The following KCNIP4 variants were observed in gnomAD, a reference collection of about 807,000 sequenced individuals.
The protein encoded by KCNIP4 is potassium voltage-gated channel interacting protein 4, also known as Kv channel-interacting protein 4.
KCNIP4 carries 12 observed loss-of-function variants against 34.0 expected under a neutral mutation model. The observed-to-expected ratio is 0.35, with a 90% confidence interval of 0.23 to 0.57. The LOEUF is 0.57. Ranked by LOEUF, KCNIP4 falls within the 20% of genes least tolerant of loss-of-function variation. The pLI, the probability that KCNIP4 is intolerant of heterozygous loss-of-function variation, is 0.83. For missense variants in KCNIP4, 238 were observed against 311.7 expected, an observed-to-expected ratio of 0.76 and a Z score of 1.78; for synonymous variants, 124 against 102.2, an observed-to-expected ratio of 1.21 and a Z score of -1.29.
At chr4:20,958,141 A>C (rs914910712) in intron 1 of KCNIP4, among the ~76,000 whole-genome samples, 3 of 152,228 alleles carry the variant, frequency 2.0e-5, no homozygotes, top group African/African-American at 7.2e-5. Flanking sequence ...CATTCATAGG[A>C]AAGTTTCTTA....
chr4:20,843,953 A>T (rs1720064502), intron 3 of KCNIP4, among the ~76,000 whole-genome samples: 1 of 152,230 alleles, frequency 6.6e-6, no homozygotes, highest in Non-Finnish European at 1.5e-5. Flanking sequence ...TGAATTTTTA[A>T]TTACATTATG....
chr4:21,478,390 CTATATCA>C (rs1281203072), intron 1 of KCNIP4, among the ~76,000 whole-genome samples: 1 of 152,056 alleles, frequency 6.6e-6, no homozygotes, highest in Non-Finnish European at 1.5e-5. Context: ...ACTACACATT[CTATATCA>C]TGCAAAACCC....
intron 2 of KCNIP4, among the ~76,000 whole-genome samples, chr4:20,869,732 T>C (rs1178105173): frequency 6.6e-6 from 1 of 152,140 alleles, no homozygotes; most frequent in Non-Finnish European, 1.5e-5. Flanking sequence ...TAATAATAAA[T>C]TACAGTAATG....
At chr4:21,446,625 T>G (rs1577373656) in intron 1 of KCNIP4, among the ~76,000 whole-genome samples, 1 of 71,594 alleles carries the variant, frequency 1.4e-5, no homozygotes, top group South Asian at 6.2e-4. Flanking sequence ...GGGCCTGTTG[T>G]GGGGTGGGGG....
chr4:21,463,320 G>T (rs1729633718), intron 1 of KCNIP4, among the ~76,000 whole-genome samples: 2 of 151,648 alleles, frequency 1.3e-5, no homozygotes, highest in African/African-American at 4.8e-5. Flanking sequence ...GTCTTTTTTT[G>T]AGAAATGTCT....
At chr4:20,916,698 G>C (rs1285103776) in intron 1 of KCNIP4, among the ~76,000 whole-genome samples, 3 of 151,756 alleles carry the variant, frequency 2.0e-5, no homozygotes, top group African/African-American at 2.4e-5. Flanking sequence ...CCCTCCCCCG[G>C]GCAGTTTTGC....
chr4:21,177,670 AAAAC>A lies in KCNIP4; in HGVS notation c.62-294965_62-294962del, dbSNP rs138247806. On this transcript the variant is annotated intron_variant, in intron 1 of 8. Transcript: ENST00000382152. ...CATGACAAAACCCGGTCTCTACTAA[AAAAC>A]AAACAAACAAAAACAAACAAACAAA... 8.6e-3 allele frequency among the ~76,000 whole-genome samples: 1,284 copies of A among 149,928 alleles called. 9 individuals are homozygous for A. Among genetic ancestry groups the A allele is most frequent in the Middle Eastern group, 0.051 (15 of 294 alleles).
intron 1 of KCNIP4, among the ~76,000 whole-genome samples, chr4:21,884,645 G>A (rs2109390815): frequency 1.3e-5 from 2 of 152,230 alleles, no homozygotes; most frequent in Middle Eastern, 6.8e-3. Context: ...AGGAGGGATG[G>A]AGAGAATCCA....
Position 20,759,808 on chromosome 4 carries a change from G to A in KCNIP4, c.289-918C>T, listed in dbSNP as rs117284462. Among the ~76,000 whole-genome samples, 338 of 152,270 alleles carry A rather than the reference G, an allele frequency of 2.2e-3. 7 individuals carry two copies. In the South Asian group the frequency reaches 0.043, roughly 19 times the overall value. ...GAATTTAGGCGTAGAGGCCCCTTGA[G>A]TGGTGGAGACTGACAATCACATGAT... On this transcript the variant is annotated intron_variant, in intron 3 of 8. Transcript: ENST00000382152.
intron 1 of KCNIP4, among the ~76,000 whole-genome samples, chr4:21,767,142 A>G (rs1718471667): frequency 1.3e-5 from 2 of 152,152 alleles, no homozygotes; most frequent in South Asian, 4.1e-4. Context: ...AAAGCTTTAG[A>G]AAGGAATTTG....
At chr4:21,138,999 G>A (rs941397493) in intron 1 of KCNIP4, among the ~76,000 whole-genome samples, 2 of 152,214 alleles carry the variant, frequency 1.3e-5, no homozygotes, top group Non-Finnish European at 2.9e-5. Flanking sequence ...ATAAATGTGT[G>A]TTGTTTCCAA....
At chr4:20,940,233 C>A (rs947917488) in intron 1 of KCNIP4, among the ~76,000 whole-genome samples, 1 of 152,186 alleles carries the variant, frequency 6.6e-6, no homozygotes, top group Non-Finnish European at 1.5e-5. Context: ...ACCTTCCCTT[C>A]TTGCATTAGA....
At chr4:21,291,931 GAAAGAAAAAA>G in intron 1 of KCNIP4, among the ~76,000 whole-genome samples, 1 of 67,296 alleles carries the variant, frequency 1.5e-5, no homozygotes, top group Non-Finnish European at 2.7e-5. Context: ...AAGAAAGAAA[GAAAGAAAAAA>G]AAAGAAAAAA....
chr4:20,983,261 G>A (rs1170050845), intron 1 of KCNIP4, among the ~76,000 whole-genome samples: 3 of 152,152 alleles, frequency 2.0e-5, no homozygotes, highest in Admixed American at 2.0e-4. Context: ...ACTCACTGGG[G>A]AATGCAAATG....
At chr4:21,610,323 G>A (rs1235610360) in intron 1 of KCNIP4, among the ~76,000 whole-genome samples, 2 of 152,210 alleles carry the variant, frequency 1.3e-5, no homozygotes, top group East Asian at 3.9e-4. Flanking sequence ...TTGGCTTGAA[G>A]ATGGCTAATC....
At chr4:21,074,921 G>C (rs537036799) in intron 1 of KCNIP4, among the ~76,000 whole-genome samples, 103 of 152,276 alleles carry the variant, frequency 6.8e-4, no homozygotes, top group African/African-American at 2.3e-3. Flanking sequence ...GGAGCAGGTT[G>C]TTCAGTTTCC....
At chr4:21,499,798 A>G (rs1049351968) in intron 1 of KCNIP4, among the ~76,000 whole-genome samples, 1 of 152,194 alleles carries the variant, frequency 6.6e-6, no homozygotes, top group African/African-American at 2.4e-5. Context: ...TTTTGCATAG[A>G]CACTTTGATT....
Position 21,479,712 on chromosome 4 carries a change from GA to G in KCNIP4, c.61+468858del, listed in dbSNP as rs200923312. On this transcript the variant is annotated intron_variant, in intron 1 of 8. Transcript: ENST00000382152. ...AACATAGTTTCACACGTATTCTTAGGAAAAAAAACATTGAAAATAAACCAAA... is the reference window on the plus strand; with the variant it reads ...AACATAGTTTCACACGTATTCTTAGGAAAAAAACATTGAAAATAAACCAAA... Among the ~76,000 whole-genome samples the G allele has an allele frequency of 6.6e-5, 10 of 151,264 alleles. No homozygotes were observed. The East Asian group carries it at 1.9e-3, about 29-fold the overall frequency.
chr4:21,717,044 C>G (rs1016456095), intron 1 of KCNIP4, among the ~76,000 whole-genome samples: 1 of 152,150 alleles, frequency 6.6e-6, no homozygotes, highest in Non-Finnish European at 1.5e-5. Flanking sequence ...GCCTGCAAAT[C>G]TCACCTTTCT....
Sources: gnomAD v4.1 joint callset for allele counts (sites outside exome capture counted in the v4.1 genomes callset) on GRCh38, gnomAD v4.1.1 for gene constraint, MANE v1.5 for transcripts, NCBI Gene and HGNC (gene_info 2026-07-23, HGNC 2026-07-21) for gene names.